The following AKAP13 variants were observed in gnomAD, a reference collection of about 807,000 sequenced individuals.
AKAP13 encodes the protein A-kinase anchoring protein 13, also known as A-kinase anchor protein 13.
Under a neutral mutation model 264.5 loss-of-function variants are expected in AKAP13, and 80 were observed. The ratio of observed to expected loss-of-function variants is 0.30; its 90% CI spans 0.25 to 0.36. The LOEUF (loss-of-function observed/expected upper bound fraction) is 0.36. Among genes scored for constraint, AKAP13 ranks in the 10% least tolerant of loss-of-function variants. AKAP13 has a pLI of 1.00. For synonymous variants in AKAP13, 1,380 were observed against 1,250.2 expected, an observed-to-expected ratio of 1.10 and a Z score of -2.19; for missense variants, 3,712 against 3,435.2, an observed-to-expected ratio of 1.08 and a Z score of -2.01.
intron 8 of AKAP13, among the ~76,000 whole-genome samples, chr15:85,601,238 T>C (rs1168099127): frequency 6.6e-6 from 1 of 152,190 alleles, no homozygotes; most frequent in Non-Finnish European, 1.5e-5. Flanking sequence ...ATGAGACTTA[T>C]TCAGCCATAT....
intron 1 of AKAP13, among the ~76,000 whole-genome samples, chr15:85,392,753 A>G (rs1021544128): frequency 2.0e-5 from 3 of 152,152 alleles, no homozygotes; most frequent in African/African-American, 7.2e-5. Context: ...AAAAATTGTT[A>G]GCACATACTC....
intron 13 of AKAP13, among the ~76,000 whole-genome samples, chr15:85,665,987 C>T (rs1004332105): frequency 6.6e-6 from 1 of 152,164 alleles, no homozygotes; most frequent in African/African-American, 2.4e-5. Context: ...AATAAACATA[C>T]ATGTGCATGT....
chr15:85,616,654 C>G (rs974085002), intron 8 of AKAP13, among the ~76,000 whole-genome samples: 4 of 152,158 alleles, frequency 2.6e-5, no homozygotes, highest in Non-Finnish European at 5.9e-5. Flanking sequence ...CTCAGAACCT[C>G]CTTTAAATTT....
intron 11 of AKAP13, 57 bp from the exon 12 acceptor site, chr15:85,658,480 A>G: frequency 1.3e-6 from 2 of 1,511,958 alleles, no homozygotes; most frequent in Non-Finnish European, 1.8e-6. Context: ...TGTTTCATGC[A>G]TTTGTATCCC....
Position 85,715,803 on chromosome 15 carries a change from A to C in AKAP13, c.5615A>C (p.Glu1872Ala), listed in dbSNP as rs2086901810. ...IMRNKPSQPK[E>A]RPRSAVLLVD... The stretch of plus-strand genomic sequence containing the variant: ...CCTTTTGCAGCCTCACAGCCCAAGG[A>C]GCGTCCTCGGTCCGCAGTCCTCCTG... The change falls in exon 20 of 37, where the codon GAG (glutamate) becomes GCG (alanine). Residue 1872 changes from glutamate (E) to alanine (A), a missense_variant. By Grantham distance (107) the Glu-to-Ala change is moderately radical. Around this residue, in one of 3 missense-constraint regions of AKAP13, gnomAD observed 2,759 missense variants for 2,411.7 expected, o/e 1.14. Transcript: ENST00000394518. 2.2e-5 allele frequency: 36 copies of C among 1,611,776 alleles called. No homozygotes were observed. Among genetic ancestry groups the C allele is most frequent in the Non-Finnish European group, 3.0e-5 (35 of 1,179,518 alleles).
At chr15:85,705,326 C>G (rs1286581657) in intron 17 of AKAP13, among the ~76,000 whole-genome samples, 1 of 152,174 alleles carries the variant, frequency 6.6e-6, no homozygotes, top group Non-Finnish European at 1.5e-5. Flanking sequence ...AACTTGGAAA[C>G]AAATTCTGCC....
At chr15:85,667,372 T>G (rs1448926586) in intron 13 of AKAP13, among the ~76,000 whole-genome samples, 2 of 152,134 alleles carry the variant, frequency 1.3e-5, no homozygotes, top group Non-Finnish European at 2.9e-5. Context: ...CAGAAGGAGT[T>G]AGAAAAAATA....
intron 1 of AKAP13, among the ~76,000 whole-genome samples, chr15:85,475,930 C>T (rs1025424366): frequency 3.9e-5 from 6 of 152,168 alleles, no homozygotes; most frequent in Admixed American, 2.6e-4. Context: ...GTGGCATGAG[C>T]AGTAGTGGTG....
At chr15:85,635,805 T>C (rs1334115609) in intron 8 of AKAP13, among the ~76,000 whole-genome samples, 2 of 152,228 alleles carry the variant, frequency 1.3e-5, no homozygotes, top group South Asian at 2.1e-4. Flanking sequence ...CCAGTCGTTA[T>C]AGCATCATTT....
chr15:85,517,752 A>C (rs1401102359), intron 2 of AKAP13, among the ~76,000 whole-genome samples: 1 of 152,166 alleles, frequency 6.6e-6, no homozygotes, highest in African/African-American at 2.4e-5. Context: ...GGGGGGAGCT[A>C]ACCTATATTT....
chr15:85,442,541 T>A (rs1205838702), intron 1 of AKAP13, among the ~76,000 whole-genome samples: 7 of 131,420 alleles, frequency 5.3e-5, no homozygotes, highest in South Asian at 2.2e-4. Context: ...TAATATATAT[T>A]ATATATATAT....
chr15:85,666,460 C>A (rs201707675), intron 13 of AKAP13, among the ~76,000 whole-genome samples: 1 of 152,164 alleles, frequency 6.6e-6, no homozygotes, highest in Non-Finnish European at 1.5e-5. Flanking sequence ...AATTTTCTGC[C>A]TTCTGTAGGT....
chr15:85,435,905 CAACT>C (rs2073264200), intron 1 of AKAP13, among the ~76,000 whole-genome samples: 2 of 143,304 alleles, frequency 1.4e-5, no homozygotes, highest in South Asian at 4.7e-4. Flanking sequence ...GAAACTGCAT[CAACT>C]AACGAGCAAA....
intron 1 of AKAP13, among the ~76,000 whole-genome samples, chr15:85,402,254 C>T (rs2071460750): frequency 1.3e-5 from 2 of 152,156 alleles, no homozygotes; most frequent in Admixed American, 6.5e-5. Flanking sequence ...TTCCACTTTC[C>T]TCTAGTTTAT....
At chr15:85,516,872 G>C (rs1467190903) in intron 2 of AKAP13, among the ~76,000 whole-genome samples, 1 of 152,242 alleles carries the variant, frequency 6.6e-6, no homozygotes, top group Non-Finnish European at 1.5e-5. Context: ...AATTTCTGCT[G>C]TCTGGATACA....
intron 1 of AKAP13, among the ~76,000 whole-genome samples, chr15:85,388,123 C>T (rs993370032): frequency 1.4e-4 from 22 of 151,802 alleles, no homozygotes; most frequent in Middle Eastern, 3.4e-3. Flanking sequence ...CAACCTGTGG[C>T]CCCCCAGGTT....
intron 1 of AKAP13, among the ~76,000 whole-genome samples, chr15:85,448,390 T>C (rs2073970622): frequency 6.6e-6 from 1 of 152,222 alleles, no homozygotes; most frequent in Admixed American, 6.5e-5. Context: ...TTATCAATTT[T>C]TCCTTTTTTT....
At position 85,580,035 on chromosome 15, in the gene AKAP13, C is replaced by G; in HGVS notation, c.1967C>G (p.Thr656Ser). Residue 656 changes from threonine to serine, a missense_variant, in exon 7 of 37, where the codon ACT becomes AGT. Coordinates refer to ENST00000394518, the MANE Select transcript of AKAP13 (RefSeq NM_007200.5). The part of the protein sequence containing the change: ...KGKSSPICST[T>S]GDDKLCADSA... ...AAATCCTCACCCATTTGTTCTACAA[C>G]TGGAGACGATAAACTTTGTGCAGAC... The G allele has an allele frequency of 4.3e-6, 7 of 1,614,198 alleles. No homozygotes were observed. Among genetic ancestry groups the G allele is most frequent in the Non-Finnish European group, 5.9e-6 (7 of 1,180,022 alleles).
chr15:85,528,455 A>G (rs1444370455), intron 3 of AKAP13, among the ~76,000 whole-genome samples: 1 of 152,196 alleles, frequency 6.6e-6, no homozygotes, highest in African/African-American at 2.4e-5. Context: ...GCATTTTAAT[A>G]GCTAATAATA....
Sources: gnomAD v4.1 joint callset for allele counts (sites outside exome capture counted in the v4.1 genomes callset) on GRCh38, gnomAD v4.1.1 for gene constraint, gnomAD v4.1.1 regional missense constraint, MANE v1.5 for transcripts, NCBI Gene and HGNC (gene_info 2026-07-23, HGNC 2026-07-21) for gene names.